The following ABHD6 variants were observed in gnomAD, a reference collection of about 807,000 sequenced individuals.
ABHD6 encodes the protein monoacylglycerol lipase ABHD6.
Under a neutral mutation model 38.8 loss-of-function variants are expected in ABHD6, and 33 were observed. That is an observed-to-expected ratio of 0.85 (90% CI 0.64 to 1.14). The LOEUF (loss-of-function observed/expected upper bound fraction) is 1.14. Among genes scored for constraint, ABHD6 ranks in the 50% most tolerant of loss-of-function variants. The probability of loss-of-function intolerance (pLI) is 0.00; values close to 1 mark genes in which losing one functional copy is unlikely to be tolerated. For missense variants in ABHD6, 380 were observed against 422.6 expected, an observed-to-expected ratio of 0.90 and a Z score of 0.88; for synonymous variants, 147 against 161.6, an observed-to-expected ratio of 0.91 and a Z score of 0.69.
chr3:58,239,920 C>G lies in ABHD6; in HGVS notation c.-91+2004C>G, dbSNP rs372164808. On this transcript the variant is annotated intron_variant, in intron 1 of 9. Coordinates refer to ENST00000478253, the MANE Select transcript of ABHD6 (RefSeq NM_001320126.2). ...TGGCCAGCACTTTGAGAGGCCAAGG[C>G]AAGAGGATCACCTGAACCCAGGAGT... Among the ~76,000 whole-genome samples the G allele has an allele frequency of 5.1e-4, 76 of 149,076 alleles. No individual in the cohort carries two copies. In the East Asian group the frequency reaches 8.8e-3, roughly 17 times the overall value.
rs1312952415 is a variant in ABHD6, at chr3:58,287,104, CCATCT to C, written c.837+1653_837+1657del. Among the ~76,000 whole-genome samples, 2 of 150,748 alleles carry C rather than the reference CCATCT, an allele frequency of 1.3e-5. No homozygotes were observed. Among genetic ancestry groups the C allele is most frequent in the Non-Finnish European group, 3.0e-5 (2 of 67,780 alleles). ...CCAACCTGGGCAGCATAGTGAGATC[CCATCT>C]CTATAAAAAATAAATTTTTAAAAAA... is the stretch of plus-strand genomic sequence containing the variant. On this transcript the variant is annotated intron_variant, in intron 9 of 9. Coordinates refer to ENST00000478253, the MANE Select transcript of ABHD6 (RefSeq NM_001320126.2). This position sits in a 1 kb window ranked among gnomAD's most constrained non-coding sequence, Gnocchi z 4.7.
At position 58,290,459 on chromosome 3, in the gene ABHD6, C is replaced by T. The variant is rs1232760524; in HGVS notation, c.838-3130C>T. Among the ~76,000 whole-genome samples the T allele has an allele frequency of 1.9e-4, 19 of 98,652 alleles. 2 individuals carry two copies. Among genetic ancestry groups the T allele is most frequent in the Non-Finnish European group, 3.5e-4 (17 of 48,886 alleles). 64.7% of individuals were successfully genotyped at this position (98,652 alleles called of 152,430 possible). A position where few individuals can be genotyped will look rare whatever the true frequency, so the allele number is the denominator to read the frequency against. On this transcript the variant is annotated intron_variant, in intron 9 of 9. Coordinates refer to ENST00000478253, the MANE Select transcript of ABHD6 (RefSeq NM_001320126.2). The stretch of plus-strand genomic sequence containing the variant: ...TCACCTACCGGATGGGGCGGCTGGC[C>T]GGGCGGGGGGCTGACCCCCCCACCT...
At chr3:58,292,555 G>C (rs1357740779) in intron 9 of ABHD6, among the ~76,000 whole-genome samples, 2 of 152,126 alleles carry the variant, frequency 1.3e-5, no homozygotes, top group Non-Finnish European at 2.9e-5. Context: ...TGTTGGAAAA[G>C]CATTCCCCAT....
intron 1 of ABHD6, among the ~76,000 whole-genome samples, chr3:58,245,456 G>T (rs1344533768): frequency 6.6e-6 from 1 of 151,864 alleles, no homozygotes; most frequent in Non-Finnish European, 1.5e-5. Flanking sequence ...CTGAGCCACT[G>T]CATCTGGCCA....
chr3:58,240,731 A>ATTC (rs375458701), intron 1 of ABHD6, among the ~76,000 whole-genome samples: 2 of 134,374 alleles, frequency 1.5e-5, no homozygotes, highest in African/African-American at 2.9e-5. Context: ...AACCTGGGTA[A>ATTC]TTTTTTTTTT....
chr3:58,249,717 A>G (rs777667925), intron 1 of ABHD6, among the ~76,000 whole-genome samples, 161 bp from the exon 2 acceptor site: 7 of 152,198 alleles, frequency 4.6e-5, no homozygotes, highest in Non-Finnish European at 8.8e-5. Context: ...GACCTGAACA[A>G]GAGGCATAGT....
chr3:58,275,364 C>CT (rs2097448018), intron 7 of ABHD6, among the ~76,000 whole-genome samples: 2 of 140,038 alleles, frequency 1.4e-5, no homozygotes, highest in East Asian at 4.1e-4. Context: ...GAGTCTCACT[C>CT]TGTCACCTAG....
At chr3:58,271,768 T>TC (rs2097445150) in intron 6 of ABHD6, among the ~76,000 whole-genome samples, 2 of 58,610 alleles carry the variant, frequency 3.4e-5, no homozygotes, top group Non-Finnish European at 6.2e-5. Flanking sequence ...CTCTCTCTGT[T>TC]TTTTTTTTTT....
At position 58,285,131 on chromosome 3, in the gene ABHD6, A is replaced by T. The variant is rs756642217; in HGVS notation, c.728A>T (p.Tyr243Phe). ...GTCCGCATCCCTCATAACAACTTCTACCGAAAGTGTAAGTAGCCCTACTTT... is the reference window on the plus strand; with the variant it reads ...GTCCGCATCCCTCATAACAACTTCTTCCGAAAGTGTAAGTAGCCCTACTTT... Reference protein sequence around the residue: ...VDVRIPHNNFYRKLFLEIVSE... With the variant: ...VDVRIPHNNFFRKLFLEIVSE... Residue 243 changes from tyrosine (Y) to phenylalanine (F), a missense_variant, in exon 8 of 10, where the codon TAC (tyrosine) becomes TTC (phenylalanine). Tyr to Phe is a conservative substitution (Grantham distance 22, BLOSUM62 3). Transcript: ENST00000478253. This position sits in a 1 kb window ranked among gnomAD's most constrained non-coding sequence, Gnocchi z 4.9. 1 of 1,614,096 alleles carries T rather than the reference A, an allele frequency of 6.2e-7. No individual in the cohort carries two copies. Among genetic ancestry groups the T allele is most frequent in the Non-Finnish European group, 8.5e-7 (1 of 1,180,002 alleles).
At position 58,274,788 on chromosome 3, in the gene ABHD6, C is replaced by T; in HGVS notation, c.654C>T (p.Ser218=). 6.2e-7 allele frequency: 1 copy of T among 1,614,132 alleles called. No individual in the cohort carries two copies. ...EEMSEMLQLC[S]YVRFKVPQQI... ...TGAGTGAAATGCTTCAGCTCTGCTCCTATGTCCGCTTCAAGGTGCCCCAGC... is the reference window on the plus strand; with the variant it reads ...TGAGTGAAATGCTTCAGCTCTGCTCTTATGTCCGCTTCAAGGTGCCCCAGC... The change falls in exon 7 of 10, where the codon TCC becomes TCT. Residue 218 remains serine, a synonymous_variant. Transcript: ENST00000478253.
rs761973309 is a variant in ABHD6 at position 58,256,723 on chromosome 3, T to C, written c.119+18T>C. ...TATTATTGGTAAGCCAGTTTTATCA[T>C]TGATGTTTTCAAGAGTATCATAATA... On this transcript the variant is annotated intron_variant, in intron 3 of 9. Coordinates refer to ENST00000478253, the MANE Select transcript of ABHD6 (RefSeq NM_001320126.2). The surrounding 1 kb of genome is among the most constrained non-coding windows in gnomAD (Gnocchi z 4.3). 30 of 1,567,000 alleles carry C rather than the reference T, an allele frequency of 1.9e-5. No individual in the cohort carries two copies. The highest frequency in any genetic ancestry group is 1.1e-4 in the South Asian group (10 of 89,166).
rs1045405862 is a variant in ABHD6 at position 58,238,718 on chromosome 3, A to G, written c.-91+802A>G. The G allele has an allele frequency of 6.6e-6, 1 of 152,324 alleles. No homozygotes were observed. The highest frequency in any genetic ancestry group is 2.4e-5 in the African/African-American group (1 of 41,438). The allele number at this position is 152,324 out of a possible 1,614,324, so 9.4% of individuals were successfully genotyped here. On this transcript the variant is annotated intron_variant, in intron 1 of 9. Coordinates refer to ENST00000478253, the MANE Select transcript of ABHD6 (RefSeq NM_001320126.2). This position sits in a 1 kb window ranked among gnomAD's most constrained non-coding sequence, Gnocchi z 6.9. ...GGTCTAGATACTGTGCATGCAGAGAATATGTATTTTGAGCCCTTTGTATGC... is the reference window on the plus strand; with the variant it reads ...GGTCTAGATACTGTGCATGCAGAGAGTATGTATTTTGAGCCCTTTGTATGC...
At chr3:58,291,901 G>T (rs1056086215) in intron 9 of ABHD6, among the ~76,000 whole-genome samples, 2 of 152,178 alleles carry the variant, frequency 1.3e-5, no homozygotes, top group Admixed American at 6.5e-5. Context: ...AGTGAGCCAT[G>T]ATCGTGCCAC....
At chr3:58,284,782 ATC>A (rs2097455764) in intron 7 of ABHD6, among the ~76,000 whole-genome samples, 2 of 152,050 alleles carry the variant, frequency 1.3e-5, no homozygotes, top group South Asian at 2.1e-4. Context: ...GAAGCAGAGA[ATC>A]TCTCAAGCTA....
Position 58,267,455 on chromosome 3 carries a change from A to C in ABHD6, c.276+110A>C. 7.1e-7 allele frequency: 1 copy of C among 1,408,446 alleles called. No homozygotes were observed. Among genetic ancestry groups the C allele is most frequent in the Admixed American group, 2.1e-5 (1 of 48,478 alleles). The allele number at this position is 1,408,446 out of a possible 1,614,324, so 87.2% of individuals were successfully genotyped here. On this transcript the variant is annotated intron_variant, in intron 4 of 9. Coordinates refer to ENST00000478253, the MANE Select transcript of ABHD6 (RefSeq NM_001320126.2). The surrounding 1 kb of genome is among the most constrained non-coding windows in gnomAD (Gnocchi z 4.3). ...TGAGGCAGGAGGATTGCTTGAGTCC[A>C]GGAGTTCAAAACCAGCCTGGACAAC... is the stretch of plus-strand genomic sequence containing the variant.
intron 1 of ABHD6, among the ~76,000 whole-genome samples, chr3:58,249,585 C>G (rs1036947770): frequency 2.6e-5 from 4 of 152,204 alleles, no homozygotes; most frequent in Admixed American, 6.5e-5. Context: ...AACTATCGTT[C>G]CATGCTTGAC....
intron 7 of ABHD6, among the ~76,000 whole-genome samples, chr3:58,284,084 C>T (rs936815164): frequency 2.6e-5 from 4 of 152,122 alleles, no homozygotes; most frequent in African/African-American, 7.2e-5. Context: ...AGGAGTACAG[C>T]CACTAATGTG....
rs1392384687 is a variant in ABHD6 at position 58,256,852 on chromosome 3, A to C, written c.119+147A>C. ...TTGAAAGGTACTCATCCTGTTTGGA[A>C]TTTTGGGAATGCTCTTGAAGAATAT... On this transcript the variant is annotated intron_variant, in intron 3 of 9. Coordinates refer to ENST00000478253, the MANE Select transcript of ABHD6 (RefSeq NM_001320126.2). The surrounding 1 kb of genome is among the most constrained non-coding windows in gnomAD (Gnocchi z 4.3). 1.5e-6 allele frequency: 1 copy of C among 676,594 alleles called. No individual in the cohort carries two copies. Among genetic ancestry groups the C allele is most frequent in the Non-Finnish European group, 2.6e-6 (1 of 391,768 alleles). The allele number at this position is 676,594 out of a possible 1,614,324, so 41.9% of individuals were successfully genotyped here.
intron 3 of ABHD6, among the ~76,000 whole-genome samples, chr3:58,261,575 T>C (rs1335861464): frequency 6.6e-6 from 1 of 152,146 alleles, no homozygotes; most frequent in Non-Finnish European, 1.5e-5. Context: ...CTCAAACTCC[T>C]GGGCTCAAGC....
Sources: gnomAD v4.1 joint callset for allele counts (sites outside exome capture counted in the v4.1 genomes callset) on GRCh38, gnomAD v4.1.1 for gene constraint, Gnocchi (gnomAD v3.1) non-coding constraint, MANE v1.5 for transcripts, NCBI Gene and HGNC (gene_info 2026-07-23, HGNC 2026-07-21) for gene names.